Variants in TPTE observed in about 807,000 individuals in gnomAD.
TPTE encodes transmembrane phosphatase with tensin homology.
TPTE carries 59 observed loss-of-function variants against 84.1 expected under a neutral mutation model. The observed-to-expected ratio is 0.70, with a 90% CI of 0.57 to 0.87. TPTE has a LOEUF of 0.87. Ranked by LOEUF, TPTE falls within the 40% of genes least tolerant of loss-of-function variation. The pLI, the probability that TPTE is intolerant of heterozygous loss-of-function variation, is 0.00. For missense variants in TPTE, 382 were observed against 659.6 expected, an observed-to-expected ratio of 0.58 and a Z score of 4.61; for synonymous variants, 130 against 223.5, an observed-to-expected ratio of 0.58 and a Z score of 3.73.
At chr21:10,570,409 A>G in intron 13 of TPTE, 76 bp from the exon 14 acceptor site, 1 of 1,607,878 alleles carries the variant, frequency 6.2e-7, no homozygotes, top group Non-Finnish European at 8.5e-7. Context: ...GAATCTGATC[A>G]TGTATAAATT....
chr21:10,523,555 G>T (rs1001095392), intron 1 of TPTE, among the ~76,000 whole-genome samples: 5 of 152,240 alleles, frequency 3.3e-5, no homozygotes, highest in South Asian at 2.1e-4. Flanking sequence ...GCAGTGTTTG[G>T]TTTTTTGTTC....
intron 17 of TPTE, among the ~76,000 whole-genome samples, chr21:10,588,960 C>G (rs2075415218): frequency 6.6e-6 from 1 of 152,308 alleles, no homozygotes; most frequent in Admixed American, 6.5e-5. Context: ...ATTGAGCTTC[C>G]TTGCAACCCA....
chr21:10,549,140 A>G (rs2074525881), intron 7 of TPTE, among the ~76,000 whole-genome samples: 1 of 152,304 alleles, frequency 6.6e-6, no homozygotes, highest in Admixed American at 6.5e-5. Flanking sequence ...AATAAACTAC[A>G]TGGAGACTAC....
chr21:10,561,223 C>G (rs780169664), intron 10 of TPTE, 32 bp downstream of exon 10: 1 of 1,609,352 alleles, frequency 6.2e-7, no homozygotes, highest in African/African-American at 1.3e-5. Context: ...ATGCATTAAG[C>G]TACTTTGTAG....
chr21:10,538,904 A>G (rs1462886118), intron 4 of TPTE, among the ~76,000 whole-genome samples, 170 bp downstream of exon 4: 4 of 152,302 alleles, frequency 2.6e-5, no homozygotes, highest in Non-Finnish European at 5.9e-5. Flanking sequence ...GTGGAAACAT[A>G]CAACAAGGAG....
rs1164071245 is a variant in TPTE, at chr21:10,536,597, AAAG to A, written c.-43-2082_-43-2080del. 7.9e-5 allele frequency among the ~76,000 whole-genome samples: 12 copies of A among 152,406 alleles called. No individual in the cohort carries two copies. In the East Asian group the frequency reaches 1.5e-3, roughly 20 times the overall value. On this transcript the variant is annotated intron_variant, in intron 3 of 23. Transcript: ENST00000618007. ...AGAGAGAGAAAGGGAGAGAAAGAGA[AAAG>A]AGAGAGAGAATCGACAGAGAGAAAG... is the stretch of plus-strand genomic sequence containing the variant.
intron 10 of TPTE, among the ~76,000 whole-genome samples, chr21:10,564,355 C>G (rs1285575470): frequency 6.6e-6 from 1 of 152,286 alleles, no homozygotes; most frequent in Non-Finnish European, 1.5e-5. Context: ...ACTAAAAATA[C>G]AAAAATTAGC....
intron 7 of TPTE, among the ~76,000 whole-genome samples, chr21:10,551,908 C>A (rs2074582930): frequency 6.6e-6 from 1 of 152,310 alleles, no homozygotes; most frequent in Non-Finnish European, 1.5e-5. Context: ...GAGATTGAAT[C>A]AGTAATAAAA....
intron 8 of TPTE, among the ~76,000 whole-genome samples, chr21:10,558,883 A>C (rs1044105351): frequency 3.7e-4 from 56 of 152,278 alleles, no homozygotes; most frequent in Admixed American, 2.9e-3. Context: ...GGCTCCATCA[A>C]ACAGGTTCTC....
At chr21:10,541,510 A>AC (rs150585080) in intron 5 of TPTE, among the ~76,000 whole-genome samples, 1 of 152,268 alleles carries the variant, frequency 6.6e-6, no homozygotes, top group African/African-American at 2.4e-5. Flanking sequence ...ACACACACAC[A>AC]AAACAGTGAC....
intron 14 of TPTE, among the ~76,000 whole-genome samples, chr21:10,575,610 C>T (rs1375023517): frequency 8.5e-5 from 13 of 152,394 alleles, no homozygotes; most frequent in African/African-American, 2.2e-4. Flanking sequence ...CAGGTATGTG[C>T]GGGCTGGATA....
chr21:10,601,191 T>TAAAAGTGCGGCACTTTTG (rs1568792388), intron 21 of TPTE, among the ~76,000 whole-genome samples: 15 of 152,272 alleles, frequency 9.9e-5, no homozygotes, highest in African/African-American at 3.6e-4. Flanking sequence ...CAATACTTTT[T>TAAAAGTGCGGCACTTTTG]AAAAGTGCGG....
Position 10,602,047 on chromosome 21 carries a change from T to A in TPTE, c.1357-11T>A. 6.2e-7 allele frequency: 1 copy of A among 1,609,370 alleles called. No individual in the cohort carries two copies. The highest frequency in any genetic ancestry group is 1.7e-4 in the Middle Eastern group (1 of 6,046). ...GGTTTATAGTTCTCAATTCCATGTG[T>A]TCATTCATAGGTACTTGATAACATT... On this transcript the variant is annotated splice_polypyrimidine_tract_variant and intron_variant, in intron 21 of 23. Coordinates refer to ENST00000618007, the MANE Select transcript of TPTE (RefSeq NM_199261.4).
intron 3 of TPTE, among the ~76,000 whole-genome samples, chr21:10,538,228 C>T (rs2074302803): frequency 6.6e-6 from 1 of 152,312 alleles, no homozygotes; most frequent in Non-Finnish European, 1.5e-5. Flanking sequence ...CTCAAAACCC[C>T]AAATACCATC....
chr21:10,549,793 C>T (rs1221759402), intron 7 of TPTE, among the ~76,000 whole-genome samples: 3 of 152,428 alleles, frequency 2.0e-5, no homozygotes, highest in Admixed American at 6.5e-5. Context: ...CGTAAAACTT[C>T]CTAACTCTTG....
At chr21:10,560,223 T>G (rs1453959582) in intron 9 of TPTE, among the ~76,000 whole-genome samples, 1 of 152,308 alleles carries the variant, frequency 6.6e-6, no homozygotes, top group South Asian at 2.1e-4. Context: ...TATTAGTACC[T>G]TATACATCAG....
chr21:10,586,155 T>C (rs1160793550), intron 17 of TPTE, among the ~76,000 whole-genome samples: 1 of 152,308 alleles, frequency 6.6e-6, no homozygotes, highest in South Asian at 2.1e-4. Flanking sequence ...ACATGGATAA[T>C]TCTTAGAGTG....
intron 3 of TPTE, among the ~76,000 whole-genome samples, chr21:10,530,545 T>C (rs1406452072): frequency 5.9e-5 from 9 of 152,294 alleles, no homozygotes; most frequent in Non-Finnish European, 4.4e-5. Flanking sequence ...GTATGAAAAA[T>C]TGCACAGCAT....
chr21:10,577,359 G>T (rs1600939632), intron 14 of TPTE, 101 bp from the exon 15 acceptor site: 1 of 1,600,994 alleles, frequency 6.2e-7, no homozygotes, highest in Non-Finnish European at 8.5e-7. Flanking sequence ...ATGCTAGTGA[G>T]AGACAAATTA....
Sources: allele counts gnomAD v4.1 joint callset (sites outside exome capture counted in the v4.1 genomes callset), GRCh38; gene constraint gnomAD v4.1.1; transcripts MANE v1.5; gene names NCBI Gene and HGNC (gene_info 2026-07-23, HGNC 2026-07-21).